Variants in LHFPL2 observed in about 807,000 individuals in gnomAD.
LHFPL2 encodes the protein LHFPL tetraspan subfamily member 2.
A neutral mutation model predicts 17.5 loss-of-function variants in LHFPL2; 7 were observed. That is an observed-to-expected ratio of 0.40 (90% CI 0.23 to 0.75). LHFPL2 has a LOEUF of 0.75. Ranked by LOEUF, LHFPL2 falls within the 30% of genes least tolerant of loss-of-function variation. LHFPL2 has a pLI of 0.37. For missense variants in LHFPL2, 241 were observed against 294.8 expected, an observed-to-expected ratio of 0.82 and a Z score of 1.34; for synonymous variants, 134 against 116.2, an observed-to-expected ratio of 1.15 and a Z score of -0.99.
chr5:78,537,106 T>C (rs1755971908), intron 3 of LHFPL2, among the ~76,000 whole-genome samples: 1 of 152,178 alleles, frequency 6.6e-6, no homozygotes. Flanking sequence ...CACAGGCACA[T>C]TAAAGTTTAA....
intron 4 of LHFPL2, among the ~76,000 whole-genome samples, chr5:78,508,765 C>A (rs1168628680): frequency 1.3e-5 from 2 of 152,266 alleles, no homozygotes; most frequent in East Asian, 3.9e-4. Flanking sequence ...ATCACCTGTG[C>A]CCTTCATTTA....
At chr5:78,529,922 G>A (rs1213613453) in intron 3 of LHFPL2, among the ~76,000 whole-genome samples, 1 of 152,102 alleles carries the variant, frequency 6.6e-6, no homozygotes, top group Non-Finnish European at 1.5e-5. Flanking sequence ...TTTTATTTCA[G>A]GTATTAACTG....
chr5:78,573,316 A>C (rs1757050734), intron 2 of LHFPL2, among the ~76,000 whole-genome samples: 1 of 152,244 alleles, frequency 6.6e-6, no homozygotes, highest in South Asian at 2.1e-4. Context: ...TTTGAGCTAA[A>C]CTGAAAGGAT....
chr5:78,582,217 T>C (rs1163491944), intron 2 of LHFPL2, among the ~76,000 whole-genome samples: 1 of 152,242 alleles, frequency 6.6e-6, no homozygotes, highest in African/African-American at 2.4e-5. Flanking sequence ...TCAATTTTGT[T>C]GATCCTTTCA....
intron 3 of LHFPL2, among the ~76,000 whole-genome samples, chr5:78,522,307 G>A (rs996919341): frequency 2.0e-5 from 3 of 152,028 alleles, no homozygotes; most frequent in African/African-American, 4.8e-5. Context: ...GCATGGTGGC[G>A]GGCACCTGTA....
At chr5:78,642,973 C>G (rs1037936980) in intron 1 of LHFPL2, among the ~76,000 whole-genome samples, 5 of 152,122 alleles carry the variant, frequency 3.3e-5, no homozygotes, top group Non-Finnish European at 7.3e-5. Flanking sequence ...ACCTTGTTCC[C>G]CCCCCTCCTT....
chr5:78,511,818 G>T (rs1755137076), intron 3 of LHFPL2, among the ~76,000 whole-genome samples: 1 of 152,106 alleles, frequency 6.6e-6, no homozygotes, highest in Admixed American at 6.6e-5. Flanking sequence ...CTATTTTGGG[G>T]ACACAGCTAG....
intron 3 of LHFPL2, among the ~76,000 whole-genome samples, chr5:78,529,054 A>G (rs1158851077): frequency 6.6e-6 from 1 of 152,022 alleles, no homozygotes; most frequent in Non-Finnish European, 1.5e-5. Flanking sequence ...CTGAGACGGG[A>G]GGACTGCTTG....
chr5:78,559,372 G>A (rs1388739222), intron 3 of LHFPL2, among the ~76,000 whole-genome samples: 1 of 152,162 alleles, frequency 6.6e-6, no homozygotes, highest in Non-Finnish European at 1.5e-5. Context: ...GGGCATCGAG[G>A]ATATACTACA....
In LHFPL2 at chr5:78,509,765, C is replaced by T; in HGVS notation, c.430+19G>A. The T allele has an allele frequency of 6.3e-7, 1 of 1,599,758 alleles. No homozygotes were observed. The highest frequency in any genetic ancestry group is 1.7e-4 in the Middle Eastern group (1 of 5,980). ...CTCCATCCCTCCATCCCACCGTGCC[C>T]GGGGTCCTGCCTTCTTACCTGCAAT... On this transcript the variant is annotated intron_variant, in intron 4 of 4. Coordinates refer to ENST00000380345, the MANE Select transcript of LHFPL2 (RefSeq NM_005779.3).
Position 78,510,268 on chromosome 5 carries a change from G to T in LHFPL2, c.-55C>A. On this transcript the variant is annotated 5_prime_UTR_variant, in exon 4 of 5. Coordinates refer to ENST00000380345, the MANE Select transcript of LHFPL2 (RefSeq NM_005779.3). Reference sequence around the variant, plus strand: ...GAGTCCACGGAGTTAATCAAAACAAGAAAGTCGGTGGGGAAGGAGGCTCGG... The same window carrying T: ...GAGTCCACGGAGTTAATCAAAACAATAAAGTCGGTGGGGAAGGAGGCTCGG... 6.7e-7 allele frequency: 1 copy of T among 1,489,654 alleles called. No homozygotes were observed. Among genetic ancestry groups the T allele is most frequent in the Non-Finnish European group, 9.0e-7 (1 of 1,113,496 alleles). 92.3% of individuals were successfully genotyped at this position (1,489,654 alleles called of 1,614,324 possible).
Position 78,588,162 on chromosome 5 carries a change from T to A in LHFPL2, c.-244-23291A>T, listed in dbSNP as rs180912568. ...CAACAAAACTAACTTCCTGTGTCTG[T>A]TCCATATTGTTTTTTAATTTGTTTA... On this transcript the variant is annotated intron_variant, in intron 2 of 4. Transcript: ENST00000380345. 3.4e-3 allele frequency among the ~76,000 whole-genome samples: 514 copies of A among 152,314 alleles called. 4 individuals carry two copies. Among genetic ancestry groups the A allele is most frequent in the African/African-American group, 0.012 (499 of 41,572 alleles).
intron 1 of LHFPL2, among the ~76,000 whole-genome samples, chr5:78,644,039 G>T (rs1461376888): frequency 6.6e-6 from 1 of 152,186 alleles, no homozygotes; most frequent in Non-Finnish European, 1.5e-5. Flanking sequence ...TCCAGCCTGG[G>T]TGACAGAGAG....
At chr5:78,599,131 A>G (rs983078558) in intron 2 of LHFPL2, among the ~76,000 whole-genome samples, 2 of 152,110 alleles carry the variant, frequency 1.3e-5, no homozygotes, top group Non-Finnish European at 2.9e-5. Flanking sequence ...TGCTTGGCTC[A>G]GCCGTACTGT....
rs144375037 is a variant in LHFPL2, at chr5:78,496,012, T to C, written c.431-6859A>G. Among the ~76,000 whole-genome samples the C allele has an allele frequency of 3.5e-3, 531 of 152,296 alleles. 5 individuals are homozygous for C. The highest frequency in any genetic ancestry group is 0.014 in the Middle Eastern group (4 of 294). On this transcript the variant is annotated intron_variant, in intron 4 of 4. Coordinates refer to ENST00000380345, the MANE Select transcript of LHFPL2 (RefSeq NM_005779.3). ...ATTCTCTCCCTCATTCCAATGCAAA[T>C]GTTGCCTCCCCGGGAAATGTTTGTC...
chr5:78,629,731 C>T (rs759948786), intron 2 of LHFPL2, among the ~76,000 whole-genome samples: 4 of 152,206 alleles, frequency 2.6e-5, no homozygotes, highest in Admixed American at 6.5e-5. Flanking sequence ...GATCAGGAGA[C>T]AAGCTGCTGT....
chr5:78,539,816 CTTTTTTT>C (rs11351036), intron 3 of LHFPL2, among the ~76,000 whole-genome samples: 1 of 137,568 alleles, frequency 7.3e-6, no homozygotes, highest in South Asian at 2.4e-4. Flanking sequence ...AAGACTTTTG[CTTTTTTT>C]TTTTTTTTTT....
chr5:78,512,621 C>T (rs140079408), intron 3 of LHFPL2, among the ~76,000 whole-genome samples: 1 of 152,020 alleles, frequency 6.6e-6, no homozygotes, highest in African/African-American at 2.4e-5. Flanking sequence ...ACGTACCCAT[C>T]AGGCTCACAA....
intron 3 of LHFPL2, among the ~76,000 whole-genome samples, chr5:78,528,194 T>A (rs554955952): frequency 2.6e-5 from 4 of 152,238 alleles, no homozygotes; most frequent in African/African-American, 7.2e-5. Flanking sequence ...TCAACTCTGC[T>A]GACACACTCT....
Sources: gnomAD v4.1 joint callset for allele counts (sites outside exome capture counted in the v4.1 genomes callset) on GRCh38, gnomAD v4.1.1 for gene constraint, MANE v1.5 for transcripts, NCBI Gene and HGNC (gene_info 2026-07-23, HGNC 2026-07-21) for gene names.